The following XPNPEP1 variants were observed in gnomAD, a reference collection of about 807,000 sequenced individuals.
XPNPEP1 encodes xaa-Pro aminopeptidase 1.
In XPNPEP1, 39 loss-of-function variants were observed where a neutral mutation model predicts 92.4. The observed-to-expected ratio is 0.42, with a 90% CI of 0.33 to 0.55. The LOEUF is 0.55. Ranked by LOEUF, XPNPEP1 falls within the 20% of genes least tolerant of loss-of-function variation. The pLI, the probability that XPNPEP1 is intolerant of heterozygous loss-of-function variation, is 0.08. For synonymous variants in XPNPEP1, 307 were observed against 299.4 expected, an observed-to-expected ratio of 1.03 and a Z score of -0.26; for missense variants, 654 against 856.1, an observed-to-expected ratio of 0.76 and a Z score of 2.95.
At chr10:109,893,186 T>G in intron 3 of XPNPEP1, 111 bp from the exon 4 acceptor site, 1 of 970,126 alleles carries the variant, frequency 1.0e-6, no homozygotes, top group South Asian at 1.6e-5. Flanking sequence ...TGGGGAATCC[T>G]TGGCCCCCGC....
At position 109,903,056 on chromosome 10, in the gene XPNPEP1, G is replaced by T. The variant is rs549669423; in HGVS notation, c.246+4635C>A. On this transcript the variant is annotated intron_variant, in intron 3 of 20. Coordinates refer to ENST00000502935, the MANE Select transcript of XPNPEP1 (RefSeq NM_020383.4). ...GATGACCAAACAAACAAAAAAAGCT[G>T]GCAAAGGAACAGCACCCAGGACCAA... Among the ~76,000 whole-genome samples, 6 of 152,208 alleles carry T rather than the reference G, an allele frequency of 3.9e-5. No homozygotes were observed. The South Asian group carries it at 1.2e-3, about 32-fold the overall frequency.
chr10:109,874,229 T>C (rs1436022351), intron 15 of XPNPEP1, among the ~76,000 whole-genome samples: 1 of 152,176 alleles, frequency 6.6e-6, no homozygotes. Flanking sequence ...GACACACGCA[T>C]TCTTGGTCTA....
At chr10:109,913,464 T>C (rs899398736) in intron 2 of XPNPEP1, among the ~76,000 whole-genome samples, 6 of 152,348 alleles carry the variant, frequency 3.9e-5, no homozygotes, top group Non-Finnish European at 8.8e-5. Flanking sequence ...CCAGCATCAA[T>C]AGCTTTAGAG....
At chr10:109,910,517 C>T (rs149672364) in intron 2 of XPNPEP1, among the ~76,000 whole-genome samples, 8 of 150,726 alleles carry the variant, frequency 5.3e-5, no homozygotes, top group African/African-American at 2.0e-4. Flanking sequence ...GCACTCCAGC[C>T]TGGGCAACAA....
In XPNPEP1 at chr10:109,869,973, C is replaced by G; in HGVS notation, c.1753G>C (p.Val585Leu). The part of the protein sequence containing the change: ...FGIRIENVVL[V>L]VPVKTKYNFN... ...CTCACCTTGGTCTTCACAGGAACCA[C>G]AAGGACAACATTCTCAATGCGAATT... Residue 585 changes from valine to leucine, a missense_variant, in exon 19 of 21, where the codon GTG becomes CTG. Val to Leu is a conservative substitution (Grantham distance 32). Coordinates refer to ENST00000502935, the MANE Select transcript of XPNPEP1 (RefSeq NM_020383.4). The G allele has an allele frequency of 6.2e-7, 1 of 1,614,144 alleles. No individual in the cohort carries two copies. Among genetic ancestry groups the G allele is most frequent in the East Asian group, 2.2e-5 (1 of 44,888 alleles).
rs182472513 is a variant in XPNPEP1, at chr10:109,891,700, G to A, written c.415+22C>T. 313 of 1,533,856 alleles carry A rather than the reference G, an allele frequency of 2.0e-4. No homozygotes were observed. The African/African-American group carries it at 3.7e-3, about 18-fold the overall frequency. The stretch of plus-strand genomic sequence containing the variant: ...GCCCAGATCAGGCCAACTAAGTTTG[G>A]GCTAGCCATGCCTGTACCCACCCAT... On this transcript the variant is annotated intron_variant, in intron 5 of 20. Transcript: ENST00000502935.
At chr10:109,875,888 C>T (rs1346713713) in intron 14 of XPNPEP1, 6 of 278,744 alleles carry the variant, frequency 2.2e-5, no homozygotes, top group Non-Finnish European at 4.2e-5. Context: ...AATAGGTGTT[C>T]AAGAGATAAT....
chr10:109,886,321 C>T lies in XPNPEP1; in HGVS notation c.673G>A (p.Val225Ile), dbSNP rs150417519. The change falls in exon 8 of 21, where the codon GTT becomes ATT. Residue 225 changes from valine to isoleucine, a missense_variant. Coordinates refer to ENST00000502935, the MANE Select transcript of XPNPEP1 (RefSeq NM_020383.4). ...DYTGISWKDK[V>I]ADLRLKMAER... ...GCCATTTTCAACCGAAGGTCTGCAA[C>T]CTTGTCCTTCCAGGAGATGCCTGCA... The T allele has an allele frequency of 1.1e-5, 18 of 1,614,080 alleles. No individual in the cohort carries two copies. The highest frequency in any genetic ancestry group is 1.1e-4 in the African/African-American group (8 of 74,928).
intron 3 of XPNPEP1, among the ~76,000 whole-genome samples, chr10:109,904,565 C>G (rs1589614657): frequency 6.6e-6 from 1 of 152,130 alleles, no homozygotes; most frequent in African/African-American, 2.4e-5. Flanking sequence ...GAGTGCACAT[C>G]AGCATATTAA....
intron 19 of XPNPEP1, among the ~76,000 whole-genome samples, chr10:109,869,457 T>G (rs1847321623): frequency 6.6e-6 from 1 of 152,172 alleles, no homozygotes; most frequent in Non-Finnish European, 1.5e-5. Flanking sequence ...CATGGATAAC[T>G]CAGGGTTCCT....
intron 5 of XPNPEP1, 75 bp from the exon 6 acceptor site, chr10:109,888,670 C>T (rs1026361377): frequency 9.0e-6 from 11 of 1,223,144 alleles, no homozygotes; most frequent in Non-Finnish European, 5.7e-6. Flanking sequence ...AGATACAATT[C>T]TCTAACATCA....
At chr10:109,882,290 G>T (rs1848142725) in intron 10 of XPNPEP1, 142 bp downstream of exon 10, 1 of 903,596 alleles carries the variant, frequency 1.1e-6, no homozygotes, top group Non-Finnish European at 1.6e-6. Flanking sequence ...TCTTGCTATG[G>T]CTCCAGCTTT....
chr10:109,888,625 T>C (rs1848535353), intron 5 of XPNPEP1, 30 bp from the exon 6 acceptor site: 1 of 1,549,514 alleles, frequency 6.5e-7, no homozygotes, highest in Non-Finnish European at 8.8e-7. Flanking sequence ...TAAGAAACAA[T>C]TCCCAGTGGG....
chr10:109,888,889 G>A (rs369812392), intron 5 of XPNPEP1, among the ~76,000 whole-genome samples: 3 of 152,310 alleles, frequency 2.0e-5, no homozygotes, highest in Admixed American at 6.5e-5. Flanking sequence ...TCACTGCCAC[G>A]TACACACATG....
intron 3 of XPNPEP1, among the ~76,000 whole-genome samples, chr10:109,906,969 C>G (rs1280877798): frequency 6.6e-6 from 1 of 152,212 alleles, no homozygotes; most frequent in Non-Finnish European, 1.5e-5. Context: ...TTTTACCTTA[C>G]AATACAGGTA....
At position 109,893,036 on chromosome 10, in the gene XPNPEP1, C is replaced by T; in HGVS notation, c.286G>A (p.Val96Ile). 1 of 1,613,832 alleles carries T rather than the reference C, an allele frequency of 6.2e-7. No homozygotes were observed. The change falls in exon 4 of 21, where the codon GTC (valine) becomes ATC (isoleucine). Residue 96 changes from valine (V) to isoleucine (I), a missense_variant. Physicochemically the swap from Val to Ile is conservative, Grantham distance 29. Coordinates refer to ENST00000502935, the MANE Select transcript of XPNPEP1 (RefSeq NM_020383.4). Reference protein sequence around the residue: ...IAPCDCRRAFVSGFDGSAGTA... With the variant: ...IAPCDCRRAFISGFDGSAGTA... ...CCCGCAGAGCCATCGAATCCAGAGA[C>T]AAAAGCCCGCCGACAGTCACATGGA... is the stretch of plus-strand genomic sequence containing the variant.
chr10:109,878,319 T>C lies in XPNPEP1; in HGVS notation c.1183-261A>G, dbSNP rs142595799. The C allele has an allele frequency of 3.8e-4, 145 of 383,946 alleles. No homozygotes were observed. The East Asian group carries it at 5.0e-3, about 13-fold the overall frequency. The allele number at this position is 383,946 out of a possible 1,614,324, so 23.8% of individuals were successfully genotyped here. A position where few individuals can be genotyped will look rare whatever the true frequency, so the allele number is the denominator to read the frequency against. The stretch of plus-strand genomic sequence containing the variant: ...TATCCTAAAACCTCCCAAAACAACA[T>C]ATCTAAGTTTAAAAATTCAAAAGCA... On this transcript the variant is annotated intron_variant, in intron 12 of 20. Transcript: ENST00000502935.
rs114584396 is a variant in XPNPEP1 at position 109,886,531 on chromosome 10, T to C, written c.653-190A>G. On this transcript the variant is annotated intron_variant, in intron 7 of 20. Transcript: ENST00000502935. ...CAAGCCACTTGACTGTCGTGAGCCTTGATTGCCTCACCAGTAAAATTCATT... is the reference window on the plus strand; with the variant it reads ...CAAGCCACTTGACTGTCGTGAGCCTCGATTGCCTCACCAGTAAAATTCATT... Among the ~76,000 whole-genome samples the C allele has an allele frequency of 4.5e-3, 692 of 152,332 alleles. 6 individuals carry two copies. Among genetic ancestry groups the C allele is most frequent in the African/African-American group, 0.016 (649 of 41,578 alleles).
chr10:109,909,479 C>T (rs1379034736), intron 2 of XPNPEP1, among the ~76,000 whole-genome samples: 1 of 152,192 alleles, frequency 6.6e-6, no homozygotes, highest in Admixed American at 6.5e-5. Context: ...AATTCTTAAA[C>T]TTGTTTCATC....
Sources: allele counts gnomAD v4.1 joint callset (sites outside exome capture counted in the v4.1 genomes callset), GRCh38; gene constraint gnomAD v4.1.1; transcripts MANE v1.5; gene names NCBI Gene and HGNC (gene_info 2026-07-23, HGNC 2026-07-21).